SNUPN: variants seen among roughly 807,000 people sequenced by gnomAD.
SNUPN encodes the protein snurportin 1, also known as snurportin-1.
A neutral mutation model predicts 39.2 loss-of-function variants in SNUPN; 31 were observed. The ratio of observed to expected loss-of-function variants is 0.79; its 90% CI spans 0.59 to 1.07. The LOEUF is 1.07. Among genes scored for constraint, SNUPN ranks in the 50% least tolerant of loss-of-function variants. SNUPN has a pLI of 0.00. For synonymous variants in SNUPN, 132 were observed against 159.0 expected (o/e 0.83, Z 1.28); for missense variants, 382 against 434.2 (o/e 0.88, Z 1.07).
chr15:75,614,289 T>A (rs1892873150), intron 3 of SNUPN, among the ~76,000 whole-genome samples: 1 of 151,764 alleles, frequency 6.6e-6, no homozygotes, highest in South Asian at 2.1e-4. Flanking sequence ...AGACTTCATC[T>A]CGAAAAAAGT....
intron 1 of SNUPN, among the ~76,000 whole-genome samples, chr15:75,624,222 C>G (rs1436137154): frequency 2.0e-5 from 3 of 150,900 alleles, no homozygotes; most frequent in Non-Finnish European, 3.0e-5. Context: ...CCACCGCGCC[C>G]GGCCGATAAA....
chr15:75,617,583 T>C, intron 2 of SNUPN, 31 bp from the exon 3 acceptor site: 2 of 1,577,964 alleles, frequency 1.3e-6, no homozygotes, highest in East Asian at 2.2e-5. Flanking sequence ...TAAGGACATA[T>C]CTTTTCTTCT....
At chr15:75,616,422 C>T (rs1892940793) in intron 3 of SNUPN, among the ~76,000 whole-genome samples, 1 of 151,836 alleles carries the variant, frequency 6.6e-6, no homozygotes, top group Non-Finnish European at 1.5e-5. Flanking sequence ...CGTACCACTG[C>T]ACTCCAGCCT....
At position 75,617,498 on chromosome 15, in the gene SNUPN, T is replaced by C. The variant is rs1376860342; in HGVS notation, c.213A>G (p.Thr71=). ...TATTTTCTTCCTCACTCTCCATCCC[T>C]GTCCAGTCATCTTCAGCCAGTCTTC... ...HARRLAEDDW[T]GMESEEENKK... is the part of the protein sequence containing the mutation. The change falls in exon 3 of 9, where the codon ACA becomes ACG. Residue 71 remains threonine (T), a synonymous_variant. Transcript: ENST00000308588. The C allele has an allele frequency of 1.2e-6, 2 of 1,614,000 alleles. No homozygotes were observed. The highest frequency in any genetic ancestry group is 1.7e-5 in the Admixed American group (1 of 59,964).
At chr15:75,624,533 C>G (rs1441695619) in intron 1 of SNUPN, among the ~76,000 whole-genome samples, 1 of 149,244 alleles carries the variant, frequency 6.7e-6, no homozygotes, top group Non-Finnish European at 1.5e-5. Context: ...ATTAGCCAGG[C>G]ATGGTGACGG....
intron 7 of SNUPN, among the ~76,000 whole-genome samples, chr15:75,604,863 T>C (rs2075319329): frequency 6.6e-6 from 1 of 152,194 alleles, no homozygotes; most frequent in Non-Finnish European, 1.5e-5. Context: ...CACCCAATTA[T>C]CCCTCATCCC....
At position 75,609,543 on chromosome 15, in the gene SNUPN, A is replaced by T. The variant is rs763287389; in HGVS notation, c.502+15T>A. On this transcript the variant is annotated intron_variant, in intron 5 of 8. Transcript: ENST00000308588. ...GTCTTTTACTGATCAATAAGTAGAC[A>T]CTCTATGTAGGTACCTTTTGCTGTT... is the stretch of plus-strand genomic sequence containing the variant. The T allele has an allele frequency of 5.0e-6, 8 of 1,599,104 alleles. No homozygotes were observed. Among genetic ancestry groups the T allele is most frequent in the Non-Finnish European group, 6.9e-6 (8 of 1,166,552 alleles).
At chr15:75,624,038 C>T (rs1197192351) in intron 1 of SNUPN, among the ~76,000 whole-genome samples, 1 of 148,290 alleles carries the variant, frequency 6.7e-6, no homozygotes, top group Non-Finnish European at 1.5e-5. Context: ...CGCCATTCTC[C>T]TGCCTCAGCC....
rs1487728643 is a variant in SNUPN at position 75,607,304 on chromosome 15, A to G, written c.512T>C (p.Ile171Thr). 1.2e-6 allele frequency: 2 copies of G among 1,610,252 alleles called. No homozygotes were observed. Among genetic ancestry groups the G allele is most frequent in the South Asian group, 1.1e-5 (1 of 90,982 alleles). The change falls in exon 6 of 9, where the codon ATT (isoleucine) becomes ACT (threonine). Residue 171 changes from isoleucine (I) to threonine (T), a missense_variant. Transcript: ENST00000308588. ...TACCTCATTGTAAATGCAATCTAGA[A>G]TGGTGTAGTCTGAGGACACAAAGCA... The part of the protein sequence containing the change: ...RRNSTAKDYT[I>T]LDCIYNEVNQ...
chr15:75,624,660 A>G, intron 1 of SNUPN: 1 of 1,141,776 alleles, frequency 8.8e-7, no homozygotes, highest in Non-Finnish European at 1.1e-6. Flanking sequence ...ACTTCGTCTC[A>G]AAAAGAAAAA....
At chr15:75,620,165 G>A (rs535666376) in intron 2 of SNUPN, among the ~76,000 whole-genome samples, 36 of 152,258 alleles carry the variant, frequency 2.4e-4, no homozygotes, top group African/African-American at 6.5e-4. Context: ...GCCACCCAGA[G>A]CCACAGGGAA....
intron 3 of SNUPN, among the ~76,000 whole-genome samples, 157 bp from the exon 4 acceptor site, chr15:75,610,151 A>G (rs1892740883): frequency 6.6e-6 from 1 of 152,100 alleles, no homozygotes; most frequent in Admixed American, 6.6e-5. Context: ...TAATCCCAGC[A>G]CTTTGGGAGG....
intron 5 of SNUPN, among the ~76,000 whole-genome samples, chr15:75,608,014 A>G (rs1317712111): frequency 6.6e-6 from 1 of 152,278 alleles, no homozygotes; most frequent in East Asian, 1.9e-4. Flanking sequence ...GAAGGTGGGT[A>G]TAAGGAGTAG....
intron 6 of SNUPN, 39 bp from the exon 7 acceptor site, chr15:75,605,266 C>G: frequency 7.1e-7 from 1 of 1,417,514 alleles, no homozygotes; most frequent in East Asian, 2.3e-5. Flanking sequence ...GAAATACTTT[C>G]CATTTCAAAC....
At chr15:75,613,382 C>T (rs1471990645) in intron 3 of SNUPN, among the ~76,000 whole-genome samples, 1 of 151,520 alleles carries the variant, frequency 6.6e-6, no homozygotes, top group Non-Finnish European at 1.5e-5. Flanking sequence ...CAGTGGCTCA[C>T]ACCTGTAATC....
intron 5 of SNUPN, 32 bp from the exon 6 acceptor site, chr15:75,607,345 GTTC>G (rs761427005): frequency 8.8e-6 from 13 of 1,479,456 alleles, no homozygotes; most frequent in Non-Finnish European, 8.5e-6. Flanking sequence ...TCAGCACAGA[GTTC>G]TTCTTCCAAC....
intron 7 of SNUPN, among the ~76,000 whole-genome samples, chr15:75,602,406 G>T (rs1191530600): frequency 6.7e-6 from 1 of 150,236 alleles, no homozygotes; most frequent in African/African-American, 2.4e-5. Flanking sequence ...CATGCCAGTA[G>T]TCCCAGCTAC....
At chr15:75,624,053 A>G (rs1287194514) in intron 1 of SNUPN, among the ~76,000 whole-genome samples, 8 of 143,586 alleles carry the variant, frequency 5.6e-5, no homozygotes, top group Admixed American at 3.5e-4. Context: ...TCAGCCTCCC[A>G]AGTAGCTGGG....
chr15:75,619,654 G>A (rs1022281963), intron 2 of SNUPN, among the ~76,000 whole-genome samples: 1 of 152,064 alleles, frequency 6.6e-6, no homozygotes, highest in Non-Finnish European at 1.5e-5. Context: ...TATATATTTG[G>A]AAGGATACAC....
Sources: allele counts gnomAD v4.1 joint callset (sites outside exome capture counted in the v4.1 genomes callset), GRCh38; gene constraint gnomAD v4.1.1; transcripts MANE v1.5; gene names NCBI Gene and HGNC (gene_info 2026-07-23, HGNC 2026-07-21).